The following TRDMT1 variants were observed in gnomAD, a reference collection of about 807,000 sequenced individuals.
TRDMT1 encodes the protein tRNA (cytosine(38)-C(5))-methyltransferase.
In TRDMT1, 49 loss-of-function variants were observed where a neutral mutation model predicts 51.2. The observed-to-expected ratio is 0.96, with a 90% CI of 0.76 to 1.21. The LOEUF (loss-of-function observed/expected upper bound fraction) is 1.21. TRDMT1 is among the 50% of genes most tolerant of loss of function. TRDMT1 has a pLI of 0.00. For synonymous variants in TRDMT1, 187 were observed against 164.6 expected (o/e 1.14, Z -1.04); for missense variants, 534 against 462.3 (o/e 1.16, Z -1.42).
At position 17,146,303 on chromosome 10, in the gene TRDMT1, C is replaced by T; in HGVS notation, c.*2737G>A. On this transcript the variant is annotated 3_prime_UTR_variant, in exon 11 of 11. Transcript: ENST00000377799. Reference sequence around the variant, plus strand: ...AGGTTGGAGGTATTTTCTCATCTTTCCAGACATAGGGCAGTGCCCATGGTG... The same window carrying T: ...AGGTTGGAGGTATTTTCTCATCTTTTCAGACATAGGGCAGTGCCCATGGTG... The T allele has an allele frequency of 1.0e-6, 1 of 985,372 alleles. No individual in the cohort carries two copies. Among genetic ancestry groups the T allele is most frequent in the Non-Finnish European group, 1.2e-6 (1 of 829,928 alleles). 61.0% of individuals were successfully genotyped at this position (985,372 alleles called of 1,614,324 possible). A position where few individuals can be genotyped will look rare whatever the true frequency, so the allele number is the denominator to read the frequency against.
intron 1 of TRDMT1, among the ~76,000 whole-genome samples, chr10:17,181,271 T>C (rs1299064553): frequency 2.6e-5 from 4 of 152,136 alleles, no homozygotes; most frequent in African/African-American, 7.2e-5. Context: ...GCAGATGTAA[T>C]GACTTGAGCT....
rs1240829674 is a variant in TRDMT1, at chr10:17,143,112, C to T, written c.*5928G>A. ...GTTCCTCTGGGCATGGAAGAAGTGG[C>T]AGTAACAGACAAATTAAATAGTTTT... On this transcript the variant is annotated 3_prime_UTR_variant, in exon 11 of 11. Coordinates refer to ENST00000377799, the MANE Select transcript of TRDMT1 (RefSeq NM_004412.7). The T allele has an allele frequency of 1.6e-5, 16 of 985,308 alleles. No individual in the cohort carries two copies. Among genetic ancestry groups the T allele is most frequent in the Non-Finnish European group, 1.9e-5 (16 of 829,932 alleles). The allele number at this position is 985,308 out of a possible 1,614,324, so 61.0% of individuals were successfully genotyped here.
chr10:17,160,955 T>C (rs1840267180), intron 5 of TRDMT1, among the ~76,000 whole-genome samples: 1 of 151,202 alleles, frequency 6.6e-6, no homozygotes, highest in South Asian at 2.1e-4. Flanking sequence ...GAATTGCTAA[T>C]CTAGTGATGA....
rs1837908954 is a variant in TRDMT1, at chr10:17,144,151, T to C, written c.*4889A>G. On this transcript the variant is annotated 3_prime_UTR_variant, in exon 11 of 11. Coordinates refer to ENST00000377799, the MANE Select transcript of TRDMT1 (RefSeq NM_004412.7). ...TTCAGATAAGTCAGCTCCAAGCCTC[T>C]GCTCTTCTTTTTCTCTTTCTCTCTT... 8.1e-6 allele frequency: 8 copies of C among 985,498 alleles called. No homozygotes were observed. The highest frequency in any genetic ancestry group is 6.1e-5 in the Admixed American group (1 of 16,266). 61.0% of individuals were successfully genotyped at this position (985,498 alleles called of 1,614,324 possible).
At chr10:17,151,433 G>T (rs1283162724) in intron 10 of TRDMT1, 1 of 969,204 alleles carries the variant, frequency 1.0e-6, no homozygotes, top group Non-Finnish European at 1.2e-6. Flanking sequence ...GGTTTGGAAG[G>T]ATCAATGCAG....
intron 2 of TRDMT1, among the ~76,000 whole-genome samples, chr10:17,173,527 G>T (rs941337387): frequency 1.3e-5 from 2 of 152,088 alleles, no homozygotes; most frequent in Non-Finnish European, 2.9e-5. Context: ...ATCCATTGTC[G>T]CCTGGGTTGG....
At chr10:17,172,498 A>G (rs1237020694) in intron 2 of TRDMT1, among the ~76,000 whole-genome samples, 2 of 152,178 alleles carry the variant, frequency 1.3e-5, no homozygotes, top group African/African-American at 4.8e-5. Context: ...CCTCTCCAAA[A>G]AAGAAAAAAA....
At chr10:17,184,589 TA>T (rs937504691) in intron 1 of TRDMT1, among the ~76,000 whole-genome samples, 3 of 152,116 alleles carry the variant, frequency 2.0e-5, no homozygotes, top group African/African-American at 7.2e-5. Context: ...ATTGACTCAA[TA>T]AAATTTCAAA....
chr10:17,171,323 T>C (rs1367890561), intron 2 of TRDMT1, among the ~76,000 whole-genome samples: 1 of 152,172 alleles, frequency 6.6e-6, no homozygotes, highest in African/African-American at 2.4e-5. Flanking sequence ...CTGAAGAGTG[T>C]GCCATTCTGA....
chr10:17,158,903 C>T (rs145410787), intron 7 of TRDMT1, among the ~76,000 whole-genome samples: 193 of 152,090 alleles, frequency 1.3e-3, no homozygotes, highest in Middle Eastern at 0.01. Flanking sequence ...AGTTTTTTAA[C>T]TCATTTGTTT....
rs147464240 is a variant in TRDMT1, at chr10:17,139,241, A to C, written c.*9799T>G. ...ATGAGTTTTCTACTTGGTGACCCCT[A>C]AAATTCCCCAAACAAGGCGGTGAAG... is the stretch of plus-strand genomic sequence containing the variant. On this transcript the variant is annotated 3_prime_UTR_variant, in exon 11 of 11. Coordinates refer to ENST00000377799, the MANE Select transcript of TRDMT1 (RefSeq NM_004412.7). 1.9e-4 allele frequency: 186 copies of C among 984,562 alleles called. 1 individual carries two copies. In the African/African-American group the frequency reaches 2.6e-3, roughly 14 times the overall value. 61.0% of individuals were successfully genotyped at this position (984,562 alleles called of 1,614,324 possible). A position where few individuals can be genotyped will look rare whatever the true frequency, so the allele number is the denominator to read the frequency against.
chr10:17,163,717 C>T (rs1376405422), intron 3 of TRDMT1, among the ~76,000 whole-genome samples: 4 of 152,040 alleles, frequency 2.6e-5, no homozygotes, highest in African/African-American at 9.7e-5. Flanking sequence ...TACAAACTAC[C>T]ATCACAGAAT....
At chr10:17,174,707 A>G in intron 1 of TRDMT1, 47 bp from the exon 2 acceptor site, 2 of 1,374,826 alleles carry the variant, frequency 1.5e-6, no homozygotes, top group Non-Finnish European at 2.1e-6. Flanking sequence ...CCTTAAGTTC[A>G]TTATAGAAAG....
rs970900847 is a variant in TRDMT1 at position 17,138,369 on chromosome 10, T to G, written c.*10671A>C. ...AAAGATACATTTACATATGTCAGTTTTGTGATTTTCTGCAAAATTTCAGGG... is the reference window on the plus strand; with the variant it reads ...AAAGATACATTTACATATGTCAGTTGTGTGATTTTCTGCAAAATTTCAGGG... On this transcript the variant is annotated 3_prime_UTR_variant, in exon 11 of 11. Transcript: ENST00000377799. Among the ~76,000 whole-genome samples, 1 of 152,216 alleles carries G rather than the reference T, an allele frequency of 6.6e-6. No individual in the cohort carries two copies. Among genetic ancestry groups the G allele is most frequent in the South Asian group, 2.1e-4 (1 of 4,834 alleles).
chr10:17,150,835 T>A, intron 10 of TRDMT1: 2 of 984,896 alleles, frequency 2.0e-6, no homozygotes, highest in Non-Finnish European at 2.4e-6. Context: ...AAGCACATTA[T>A]TTATCTAAAA....
chr10:17,182,880 G>T (rs914231065), intron 1 of TRDMT1, among the ~76,000 whole-genome samples: 1 of 152,120 alleles, frequency 6.6e-6, no homozygotes, highest in African/African-American at 2.4e-5. Context: ...ACATATAAAA[G>T]ATGCCAAACT....
chr10:17,176,699 G>C (rs2131531942), intron 1 of TRDMT1, among the ~76,000 whole-genome samples: 1 of 152,240 alleles, frequency 6.6e-6, no homozygotes, highest in East Asian at 1.9e-4. Flanking sequence ...TTGGGGGGTG[G>C]TTATTGTTTC....
chr10:17,141,683 G>A lies in TRDMT1; in HGVS notation c.*7357C>T, dbSNP rs562331526. On this transcript the variant is annotated 3_prime_UTR_variant, in exon 11 of 11. Coordinates refer to ENST00000377799, the MANE Select transcript of TRDMT1 (RefSeq NM_004412.7). ...GTAAATTCTACTGATCCGTCCTTAG[G>A]TTCACTGATTTCTATCTTCTGTCAT... Among the ~76,000 whole-genome samples the A allele has an allele frequency of 2.6e-5, 4 of 152,142 alleles. No homozygotes were observed. Among genetic ancestry groups the A allele is most frequent in the Admixed American group, 2.6e-4 (4 of 15,278 alleles).
intron 1 of TRDMT1, among the ~76,000 whole-genome samples, chr10:17,197,469 T>TG (rs1845606578): frequency 6.6e-6 from 1 of 152,198 alleles, no homozygotes; most frequent in African/African-American, 2.4e-5. Flanking sequence ...CTGATAAGGA[T>TG]GAAAAACTTT....
Sources: gnomAD v4.1 joint callset for allele counts (sites outside exome capture counted in the v4.1 genomes callset) on GRCh38, gnomAD v4.1.1 for gene constraint, MANE v1.5 for transcripts, NCBI Gene and HGNC (gene_info 2026-07-23, HGNC 2026-07-21) for gene names.